Variants in RHOBTB3 observed in about 807,000 individuals in gnomAD.
RHOBTB3 encodes the protein rho-related BTB domain-containing protein 3.
A neutral mutation model predicts 67.2 loss-of-function variants in RHOBTB3; 47 were observed. That is an observed-to-expected ratio of 0.70 (90% CI 0.55 to 0.89). The LOEUF (loss-of-function observed/expected upper bound fraction) is 0.89. Among genes scored for constraint, RHOBTB3 ranks in the 40% least tolerant of loss-of-function variants. The pLI, the probability that RHOBTB3 is intolerant of heterozygous loss-of-function variation, is 0.00. For synonymous variants in RHOBTB3, 273 were observed against 274.2 expected (o/e 1.00, Z 0.04); for missense variants, 631 against 750.0 (o/e 0.84, Z 1.85).
intron 7 of RHOBTB3, among the ~76,000 whole-genome samples, chr5:95,765,567 T>A (rs1745518567): frequency 6.6e-6 from 1 of 152,236 alleles, no homozygotes; most frequent in Non-Finnish European, 1.5e-5. Context: ...CCACAAATCA[T>A]CTCTGTGGCT....
At chr5:95,735,771 T>G (rs1367889566) in intron 2 of RHOBTB3, among the ~76,000 whole-genome samples, 1 of 152,182 alleles carries the variant, frequency 6.6e-6, no homozygotes, top group Non-Finnish European at 1.5e-5. Context: ...TTTCCTTACA[T>G]CACTATTCAT....
chr5:95,796,008 C>T lies in RHOBTB3; in HGVS notation c.*2834C>T, dbSNP rs1191622737. 6.6e-6 allele frequency: 1 copy of T among 152,086 alleles called. No individual in the cohort carries two copies. Among genetic ancestry groups the T allele is most frequent in the Non-Finnish European group, 1.5e-5 (1 of 68,022 alleles). The allele number at this position is 152,086 out of a possible 1,614,324, so 9.4% of individuals were successfully genotyped here. On this transcript the variant is annotated 3_prime_UTR_variant, in exon 12 of 12. Coordinates refer to ENST00000379982, the MANE Select transcript of RHOBTB3 (RefSeq NM_014899.4). ...TGCTCACTGTTCATATTATAGGGGA[C>T]CAGATTTGTAATATAGAATTCTCCA...
intron 8 of RHOBTB3, chr5:95,769,101 A>T (rs1258610040): frequency 2.7e-6 from 1 of 367,332 alleles, no homozygotes; most frequent in African/African-American, 2.1e-5. Context: ...CAGGTGCCTG[A>T]GCCTTAATTC....
intron 7 of RHOBTB3, among the ~76,000 whole-genome samples, chr5:95,765,611 G>A (rs578163688): frequency 1.3e-5 from 2 of 152,346 alleles, no homozygotes; most frequent in East Asian, 1.9e-4. Context: ...AAAATGAGGG[G>A]TAAATTGGAT....
chr5:95,792,665 G>T (rs1176559943), intron 11 of RHOBTB3, among the ~76,000 whole-genome samples: 10 of 151,404 alleles, frequency 6.6e-5, no homozygotes, highest in African/African-American at 2.4e-4. Context: ...GGTGTCACAC[G>T]CCTGTAGTCC....
At chr5:95,775,711 TG>T (rs1404745634) in intron 8 of RHOBTB3, among the ~76,000 whole-genome samples, 1 of 152,056 alleles carries the variant, frequency 6.6e-6, no homozygotes, top group Non-Finnish European at 1.5e-5. Context: ...TGTCTAATTT[TG>T]GGGGCTGTAA....
At chr5:95,769,403 T>G (rs1745641265) in intron 8 of RHOBTB3, 1 of 320,568 alleles carries the variant, frequency 3.1e-6, no homozygotes, top group Admixed American at 3.4e-5. Flanking sequence ...TTACCAGAGG[T>G]GCTAATCCAG....
intron 8 of RHOBTB3, 51 bp downstream of exon 8, chr5:95,768,217 C>T (rs1745606312): frequency 6.5e-7 from 1 of 1,528,326 alleles, no homozygotes. Flanking sequence ...TTCTTGTTTT[C>T]TTTCCTTGCT....
At chr5:95,731,290 C>G, upstream of RHOBTB3, 1 of 1,029,656 alleles carries the variant, frequency 9.7e-7, no homozygotes, top group Non-Finnish European at 1.2e-6. Context: ...CCCGATCTCC[C>G]CGACCCCCCT....
upstream of RHOBTB3, among the ~76,000 whole-genome samples, chr5:95,725,885 A>G (rs1755041229): frequency 6.6e-6 from 1 of 152,110 alleles, no homozygotes; most frequent in Admixed American, 6.6e-5. Context: ...TGCATAAAAC[A>G]CAGTTTTTAT....
intron 1 of RHOBTB3, among the ~76,000 whole-genome samples, chr5:95,723,167 C>T (rs916992613): frequency 2.6e-4 from 40 of 151,658 alleles, no homozygotes; most frequent in African/African-American, 9.2e-4. Flanking sequence ...CTAACACCAA[C>T]GATAGCTGAT....
upstream of RHOBTB3, among the ~76,000 whole-genome samples, chr5:95,726,872 A>G (rs191497515): frequency 3.6e-3 from 555 of 152,216 alleles, 5 homozygotes; most frequent in Non-Finnish European, 4.3e-3. Flanking sequence ...CATGCCCCCA[A>G]CACTCCTTGT....
At position 95,777,727 on chromosome 5, in the gene RHOBTB3, T is replaced by C. The variant is rs186244046; in HGVS notation, c.1283-2525T>C. 4.6e-5 allele frequency among the ~76,000 whole-genome samples: 7 copies of C among 152,336 alleles called. No homozygotes were observed. The East Asian group carries it at 1.3e-3, about 29-fold the overall frequency. On this transcript the variant is annotated intron_variant, in intron 8 of 11. Transcript: ENST00000379982. ...AATTTATAACATCAAAACAGTAGTTTAAAGAGGTGAAAAACTGAAGTTGAT... is the reference window on the plus strand; with the variant it reads ...AATTTATAACATCAAAACAGTAGTTCAAAGAGGTGAAAAACTGAAGTTGAT...
chr5:95,741,326 TAA>T (rs147831035), intron 3 of RHOBTB3, among the ~76,000 whole-genome samples: 2 of 118,892 alleles, frequency 1.7e-5, no homozygotes. Context: ...AGACTCTGAC[TAA>T]AAAAAAAAAA....
In RHOBTB3 at chr5:95,794,819, T is replaced by C. The variant is rs986767581; in HGVS notation, c.*1645T>C. ...TACCAACACTGCCAAAGTAAAACATTAGGTCAGGCATGGTGGCTCAGGCCT... is the reference window on the plus strand; with the variant it reads ...TACCAACACTGCCAAAGTAAAACATCAGGTCAGGCATGGTGGCTCAGGCCT... On this transcript the variant is annotated 3_prime_UTR_variant, in exon 12 of 12. Transcript: ENST00000379982. The C allele has an allele frequency of 6.6e-6, 1 of 152,122 alleles. No individual in the cohort carries two copies. The highest frequency in any genetic ancestry group is 2.4e-5 in the African/African-American group (1 of 41,422). The allele number at this position is 152,122 out of a possible 1,614,324, so 9.4% of individuals were successfully genotyped here. A position where few individuals can be genotyped will look rare whatever the true frequency, so the allele number is the denominator to read the frequency against.
intron 8 of RHOBTB3, among the ~76,000 whole-genome samples, chr5:95,771,445 C>T (rs767403953): frequency 1.3e-5 from 2 of 152,176 alleles, no homozygotes; most frequent in Admixed American, 1.3e-4. Flanking sequence ...CGACAAGCCA[C>T]GGCCAGCCCT....
intron 10 of RHOBTB3, among the ~76,000 whole-genome samples, chr5:95,786,393 TTAGA>T: frequency 6.6e-6 from 1 of 152,358 alleles, no homozygotes; most frequent in South Asian, 2.1e-4. Flanking sequence ...TCATACTTTC[TTAGA>T]TAGATGAGCA....
chr5:95,767,731 A>G, intron 7 of RHOBTB3: 1 of 677,348 alleles, frequency 1.5e-6, no homozygotes, highest in Middle Eastern at 2.3e-4. Context: ...ATGGAGTTGG[A>G]CTACTGTTGT....
At chr5:95,746,961 A>G (rs1744933228) in intron 3 of RHOBTB3, among the ~76,000 whole-genome samples, 1 of 152,210 alleles carries the variant, frequency 6.6e-6, no homozygotes, top group Non-Finnish European at 1.5e-5. Flanking sequence ...CTCCATCTGT[A>G]TGCAATTCAT....
Sources: gnomAD v4.1 joint callset for allele counts (sites outside exome capture counted in the v4.1 genomes callset) on GRCh38, gnomAD v4.1.1 for gene constraint, MANE v1.5 for transcripts, NCBI Gene and HGNC (gene_info 2026-07-23, HGNC 2026-07-21) for gene names.